The following PATZ1 variants were observed in gnomAD, a reference collection of about 807,000 sequenced individuals.
PATZ1 encodes the protein POZ/BTB and AT hook containing zinc finger 1, also known as POZ-, AT hook-, and zinc finger-containing protein 1.
Under a neutral mutation model 46.2 loss-of-function variants are expected in PATZ1, and 9 were observed. The ratio of observed to expected loss-of-function variants is 0.19; its 90% confidence interval spans 0.12 to 0.34. The LOEUF (loss-of-function observed/expected upper bound fraction) is 0.34. Among genes scored for constraint, PATZ1 ranks in the 10% least tolerant of loss-of-function variants. The pLI, the probability that PATZ1 is intolerant of heterozygous loss-of-function variation, is 1.00. For synonymous variants in PATZ1, 426 were observed against 378.6 expected, an observed-to-expected ratio of 1.13 and a Z score of -1.45; for missense variants, 632 against 923.0, an observed-to-expected ratio of 0.68 and a Z score of 4.08.
Position 31,342,810 on chromosome 22 carries a change from C to G in PATZ1, c.1335+87G>C. 5.5e-6 allele frequency: 8 copies of G among 1,464,230 alleles called. No homozygotes were observed. In the South Asian group the frequency reaches 6.0e-5, roughly 11 times the overall value. 90.7% of individuals were successfully genotyped at this position (1,464,230 alleles called of 1,614,324 possible). On this transcript the variant is annotated intron_variant, in intron 2 of 4. Transcript: ENST00000266269. The stretch of plus-strand genomic sequence containing the variant: ...AGCGGTGGGCGGTCAGCCGGGCCCC[C>G]GGCACACGCAGCGGCTGGCTCAAGG...
At position 31,327,319 on chromosome 22, in the gene PATZ1, A is replaced by G; in HGVS notation, c.1646-10T>C. On this transcript the variant is annotated splice_polypyrimidine_tract_variant and intron_variant, in intron 4 of 4. Transcript: ENST00000266269. This position sits in a 1 kb window ranked among gnomAD's most constrained non-coding sequence, Gnocchi z 4.2. ...GAGCATTTCTGGCCTTCTACGAAAAAACAAAATATAGGAGAGCGATGAGGC... is the reference window on the plus strand; with the variant it reads ...GAGCATTTCTGGCCTTCTACGAAAAGACAAAATATAGGAGAGCGATGAGGC... The G allele has an allele frequency of 6.2e-7, 1 of 1,610,358 alleles. No homozygotes were observed. The highest frequency in any genetic ancestry group is 8.5e-7 in the Non-Finnish European group (1 of 1,177,924).
Position 31,327,418 on chromosome 22 carries a change from G to T in PATZ1, c.1646-109C>A. 2 of 890,936 alleles carry T rather than the reference G, an allele frequency of 2.2e-6. No homozygotes were observed. Among genetic ancestry groups the T allele is most frequent in the Non-Finnish European group, 1.7e-6 (1 of 587,228 alleles). 55.2% of individuals were successfully genotyped at this position (890,936 alleles called of 1,614,324 possible). A position where few individuals can be genotyped will look rare whatever the true frequency, so the allele number is the denominator to read the frequency against. On this transcript the variant is annotated intron_variant, in intron 4 of 4. Coordinates refer to ENST00000266269, the MANE Select transcript of PATZ1 (RefSeq NM_014323.3). This position sits in a 1 kb window ranked among gnomAD's most constrained non-coding sequence, Gnocchi z 4.2. ...ACAGACCTGTGGAGGGCAGCCATTG[G>T]CCAGCCACTGCCCTGGCAGAACCCA...
rs2240424 is a variant in PATZ1 at position 31,326,900 on chromosome 22, T to G, written c.2055A>C (p.Glu685Asp). The change falls in exon 5 of 5, where the codon GAA becomes GAC. Residue 685 changes from glutamate to aspartate, a missense_variant. By Grantham distance (45) the Glu-to-Asp change is conservative. Coordinates refer to ENST00000266269, the MANE Select transcript of PATZ1 (RefSeq NM_014323.3). ...PEVDQQPMGP[E>D]GK is the part of the protein sequence containing the mutation. ...GGACACAGCAGCTGCCTCATTTCCC[T>G]TCAGGCCCCATGGGCTGCTGGTCAA... 0.024 allele frequency: 39,474 copies of G among 1,611,804 alleles called. 4,706 individuals are homozygous for G. In the East Asian group the frequency reaches 0.4, roughly 16 times the overall value.
At chr22:31,340,791 C>G in intron 2 of PATZ1, 1 of 1,057,686 alleles carries the variant, frequency 9.5e-7, no homozygotes, top group Non-Finnish European at 1.1e-6. Context: ...TTTTTCAGCC[C>G]CCAAAGCCAT....
chr22:31,345,006 G>A lies in PATZ1; in HGVS notation c.597C>T (p.Ser199=). The A allele has an allele frequency of 1.2e-6, 2 of 1,614,076 alleles. No homozygotes were observed. Among genetic ancestry groups the A allele is most frequent in the Non-Finnish European group, 1.7e-6 (2 of 1,180,044 alleles). The change falls in exon 1 of 5, where the codon AGC becomes AGT. Residue 199 remains serine (S), a synonymous_variant. Transcript: ENST00000266269. This position sits in a 1 kb window ranked among gnomAD's most constrained non-coding sequence, Gnocchi z 7.4. ...GCTGCATGCTGCCGGCGATGCCATT[G>A]CTGTTGGCTGCCAAGGCTGCCCCGT... The part of the protein sequence containing the change: ...MTNGAALAAN[S]NGIAGSMQPE...
chr22:31,325,845 C>A lies in PATZ1; in HGVS notation c.*1046G>T. The A allele has an allele frequency of 5.1e-6, 1 of 197,648 alleles. No individual in the cohort carries two copies. The highest frequency in any genetic ancestry group is 1.1e-5 in the Non-Finnish European group (1 of 95,022). The allele number at this position is 197,648 out of a possible 1,614,324, so 12.2% of individuals were successfully genotyped here. ...CATTTTTAATACAGTCTGATCAGAT[C>A]AATTCACATCACAAGGTCAACCTGG... On this transcript the variant is annotated 3_prime_UTR_variant, in exon 5 of 5. Transcript: ENST00000266269.
intron 2 of PATZ1, chr22:31,341,624 T>C (rs769701964): frequency 2.5e-6 from 4 of 1,614,120 alleles, no homozygotes; most frequent in Non-Finnish European, 1.7e-6. Context: ...AGTCCCATGA[T>C]GGCAGGTCGC....
At chr22:31,336,909 A>G (rs562870957) in intron 2 of PATZ1, among the ~76,000 whole-genome samples, 1 of 151,846 alleles carries the variant, frequency 6.6e-6, no homozygotes. Context: ...GGAGATCAAG[A>G]CCATCCTGGC....
At chr22:31,341,979 G>C (rs1300928530) in intron 2 of PATZ1, among the ~76,000 whole-genome samples, 1 of 152,152 alleles carries the variant, frequency 6.6e-6, no homozygotes, top group East Asian at 1.9e-4. Flanking sequence ...ATCCCTCCCT[G>C]CTGGTCTCCC....
chr22:31,331,315 A>G (rs2049439084), intron 3 of PATZ1, among the ~76,000 whole-genome samples: 1 of 151,614 alleles, frequency 6.6e-6, no homozygotes, highest in African/African-American at 2.4e-5. Flanking sequence ...TGATAATATG[A>G]TGATACCACT....
chr22:31,345,524 G>A lies in PATZ1; in HGVS notation c.79C>T (p.Leu27=), dbSNP rs766158116. The A allele has an allele frequency of 8.1e-6, 13 of 1,613,312 alleles. No homozygotes were observed. In the South Asian group the frequency reaches 1.2e-4, roughly 15 times the overall value. ...YQVSRHSTEM[L]HNLNQQRKNG... is the part of the protein sequence containing the mutation. Reference sequence around the variant, plus strand: ...TTGCGCTGCTGGTTCAGGTTGTGCAGCATCTCCGTGCTGTGTCTGCTCACC... The same window carrying A: ...TTGCGCTGCTGGTTCAGGTTGTGCAACATCTCCGTGCTGTGTCTGCTCACC... The change falls in exon 1 of 5, where the codon CTG becomes TTG. Residue 27 remains leucine, a synonymous_variant. Coordinates refer to ENST00000266269, the MANE Select transcript of PATZ1 (RefSeq NM_014323.3). This position sits in a 1 kb window ranked among gnomAD's most constrained non-coding sequence, Gnocchi z 7.4.
intron 2 of PATZ1, among the ~76,000 whole-genome samples, chr22:31,340,477 C>G (rs540907943): frequency 6.6e-6 from 1 of 152,322 alleles, no homozygotes; most frequent in South Asian, 2.1e-4. Context: ...ACCTGGCTGG[C>G]CAGCCCAGAG....
At chr22:31,341,911 C>T (rs1158316627) in intron 2 of PATZ1, among the ~76,000 whole-genome samples, 3 of 152,326 alleles carry the variant, frequency 2.0e-5, no homozygotes, top group South Asian at 4.1e-4. Flanking sequence ...TAGCCCAGCA[C>T]CTGTGAACAC....
chr22:31,341,830 G>C (rs1035945942), intron 2 of PATZ1: 31 of 721,890 alleles, frequency 4.3e-5, no homozygotes, highest in Non-Finnish European at 6.3e-5. Flanking sequence ...CAGAGACAGA[G>C]AGAGAGAAGG....
At chr22:31,335,428 G>A (rs552962364) in intron 3 of PATZ1, 1 of 425,026 alleles carries the variant, frequency 2.4e-6, no homozygotes, top group African/African-American at 2.0e-5. Flanking sequence ...TGAGAGTTAT[G>A]GGCCCAAGCT....
In PATZ1 at chr22:31,344,662, T is replaced by A; in HGVS notation, c.941A>T (p.His314Leu). The change falls in exon 1 of 5, where the codon CAC becomes CTC. Residue 314 changes from histidine to leucine, a missense_variant. His to Leu is a moderately conservative substitution (Grantham distance 99). Transcript: ENST00000266269. ...ANRLRQHEAQHGVTSLQLGYI... is the reference protein window; with the variant it reads ...ANRLRQHEAQLGVTSLQLGYI... The stretch of plus-strand genomic sequence containing the variant: ...GCCCAGCTGGAGGCTGGTGACACCG[T>A]GCTGGGCCTCGTGCTGCCGGAGCCG... 6.2e-7 allele frequency: 1 copy of A among 1,614,022 alleles called. No homozygotes were observed. The highest frequency in any genetic ancestry group is 8.5e-7 in the Non-Finnish European group (1 of 1,180,036).
Position 31,345,583 on chromosome 22 carries a change from G to C in PATZ1, c.20C>G (p.Ala7Gly). 1 of 1,594,838 alleles carries C rather than the reference G, an allele frequency of 6.3e-7. No individual in the cohort carries two copies. Among genetic ancestry groups the C allele is most frequent in the Non-Finnish European group, 8.6e-7 (1 of 1,165,998 alleles). MERVNDASCGPSGCYTY... is the reference protein window; with the variant it reads MERVNDGSCGPSGCYTY... The stretch of plus-strand genomic sequence containing the variant: ...GTAGCAGCCAGACGGGCCGCACGAA[G>C]CGTCGTTCACCCGCTCCATGGCCGC... The change falls in exon 1 of 5, where the codon GCT becomes GGT. Residue 7 changes from alanine (A) to glycine (G), a missense_variant. Ala to Gly is a moderately conservative substitution (Grantham distance 60, BLOSUM62 0). Around this residue, in one of 7 missense-constraint regions of PATZ1, gnomAD observed 30 missense variants for 27.7 expected, o/e 1.08. Transcript: ENST00000266269. The surrounding 1 kb of genome is among the most constrained non-coding windows in gnomAD (Gnocchi z 7.4).
At chr22:31,341,882 A>T (rs1326680172) in intron 2 of PATZ1, among the ~76,000 whole-genome samples, 1 of 152,156 alleles carries the variant, frequency 6.6e-6, no homozygotes, top group Admixed American at 6.5e-5. Context: ...ACCCTGGGTC[A>T]TCCTCCAGGG....
intron 3 of PATZ1, among the ~76,000 whole-genome samples, chr22:31,333,212 G>A (rs927238542): frequency 6.6e-6 from 1 of 152,200 alleles, no homozygotes; most frequent in Non-Finnish European, 1.5e-5. Context: ...AGATCTATAG[G>A]TAGATACTTA....
Sources: allele counts gnomAD v4.1 joint callset (sites outside exome capture counted in the v4.1 genomes callset), GRCh38; gene constraint gnomAD v4.1.1; regional missense constraint gnomAD v4.1.1; non-coding constraint Gnocchi (gnomAD v3.1); transcripts MANE v1.5; gene names NCBI Gene and HGNC (gene_info 2026-07-23, HGNC 2026-07-21).